Variants in GYS2 observed in about 807,000 individuals in gnomAD.
GYS2 encodes the protein glycogen synthase 2, also known as glycogen [starch] synthase, liver.
In GYS2, 80 loss-of-function variants were observed where a neutral mutation model predicts 85.6. That is an observed-to-expected ratio of 0.93 (90% CI 0.78 to 1.13). The LOEUF (loss-of-function observed/expected upper bound fraction) is 1.13. GYS2 is among the 50% of genes most tolerant of loss of function. GYS2 has a pLI of 0.00. For synonymous variants in GYS2, 328 were observed against 300.7 expected, an observed-to-expected ratio of 1.09 and a Z score of -0.94; for missense variants, 881 against 854.9, an observed-to-expected ratio of 1.03 and a Z score of -0.38.
chr12:21,565,158 A>G (rs895365709), intron 5 of GYS2, among the ~76,000 whole-genome samples: 4 of 152,000 alleles, frequency 2.6e-5, no homozygotes, highest in Non-Finnish European at 5.9e-5. Context: ...ATCCATATTT[A>G]TAACAGAATA....
Position 21,537,079 on chromosome 12 carries a change from C to T in GYS2, c.1987G>A (p.Val663Met). ...SPQSSDVEDEVEDERYDEEEE... is the reference protein window; with the variant it reads ...SPQSSDVEDEMEDERYDEEEE... The stretch of plus-strand genomic sequence containing the variant: ...TCCTCATCGTATCTCTCATCCTCCA[C>T]TTCATCTTCCACATCACTGCTCTGA... The change falls in exon 16 of 16, where the codon GTG becomes ATG. Residue 663 changes from valine to methionine, a missense_variant. Transcript: ENST00000261195. 6.2e-7 allele frequency: 1 copy of T among 1,613,820 alleles called. No homozygotes were observed. The highest frequency in any genetic ancestry group is 1.1e-5 in the South Asian group (1 of 91,072).
intron 11 of GYS2, among the ~76,000 whole-genome samples, chr12:21,550,235 G>A (rs1232444019): frequency 6.6e-6 from 1 of 151,848 alleles, no homozygotes; most frequent in Non-Finnish European, 1.5e-5. Flanking sequence ...ATGGCATTTA[G>A]CAATCAAGAC....
intron 13 of GYS2, among the ~76,000 whole-genome samples, chr12:21,541,912 G>T (rs1404384688): frequency 4.6e-5 from 7 of 152,030 alleles, no homozygotes; most frequent in Non-Finnish European, 5.9e-5. Flanking sequence ...TTGTGTCTAT[G>T]TGTATTCAAT....
In GYS2 at chr12:21,539,274, A is replaced by G. The variant is rs562406869; in HGVS notation, c.1874T>C (p.Leu625Pro). Residue 625 changes from leucine to proline, a missense_variant, in exon 15 of 16, where the codon CTA (leucine) becomes CCA (proline). Coordinates refer to ENST00000261195, the MANE Select transcript of GYS2 (RefSeq NM_021957.4). Reference sequence around the variant, plus strand: ...AATATTTACCGTTGGTGGTGATGTTAGTTCCACATGGAATTTATCTGGAAA... The same window carrying G: ...AATATTTACCGTTGGTGGTGATGTTGGTTCCACATGGAATTTATCTGGAAA... ...RAFPDKFHVELTSPPTTEGFK... is the reference protein window; with the variant it reads ...RAFPDKFHVEPTSPPTTEGFK... The G allele has an allele frequency of 1.3e-6, 2 of 1,576,962 alleles. No homozygotes were observed. Among genetic ancestry groups the G allele is most frequent in the South Asian group, 2.2e-5 (2 of 90,296 alleles).
intron 11 of GYS2, among the ~76,000 whole-genome samples, chr12:21,550,810 A>T (rs549069179): frequency 1.8e-3 from 277 of 152,196 alleles, no homozygotes; most frequent in Middle Eastern, 3.4e-3. Flanking sequence ...GTGTGGTGGC[A>T]TGCACCTGTA....
intron 12 of GYS2, 131 bp downstream of exon 12, chr12:21,546,213 A>G: frequency 1.5e-6 from 1 of 660,890 alleles, no homozygotes; most frequent in Non-Finnish European, 2.4e-6. Flanking sequence ...AAATCCAACC[A>G]AAATTTTTTA....
chr12:21,575,687 G>A (rs771264721), intron 3 of GYS2, among the ~76,000 whole-genome samples, 179 bp downstream of exon 3: 3 of 151,782 alleles, frequency 2.0e-5, no homozygotes, highest in African/African-American at 2.4e-5. Flanking sequence ...TCATTATTAC[G>A]CTATTCCATT....
At chr12:21,537,834 G>T (rs1943927779) in intron 15 of GYS2, among the ~76,000 whole-genome samples, 1 of 152,058 alleles carries the variant, frequency 6.6e-6, no homozygotes, top group Non-Finnish European at 1.5e-5. Context: ...ACACTGCAAT[G>T]CCACTAAAGA....
chr12:21,595,864 A>G (rs1357934958), intron 1 of GYS2, among the ~76,000 whole-genome samples: 1 of 152,210 alleles, frequency 6.6e-6, no homozygotes, highest in Non-Finnish European at 1.5e-5. Flanking sequence ...TCAATACTTC[A>G]TTGACAGCAC....
chr12:21,542,403 G>T (rs1943988634), intron 13 of GYS2, 93 bp downstream of exon 13: 2 of 820,086 alleles, frequency 2.4e-6, no homozygotes, highest in African/African-American at 1.7e-5. Context: ...TAATTATCAG[G>T]ATAGCTTTAG....
chr12:21,580,536 A>C lies in GYS2; in HGVS notation c.122-13T>G. 6.2e-7 allele frequency: 1 copy of C among 1,604,970 alleles called. No homozygotes were observed. The highest frequency in any genetic ancestry group is 8.5e-7 in the Non-Finnish European group (1 of 1,172,888). On this transcript the variant is annotated splice_polypyrimidine_tract_variant and intron_variant, in intron 1 of 15. Transcript: ENST00000261195. ...TAGATGCCTCCAACTGTTAAAAGGA[A>C]AAAAGTTTCTATTATCATTCAGGTT...
intron 12 of GYS2, among the ~76,000 whole-genome samples, chr12:21,544,528 A>G (rs1334928654): frequency 2.0e-5 from 3 of 152,210 alleles, no homozygotes; most frequent in East Asian, 1.9e-4. Context: ...TCTTCTATCC[A>G]TGATACTTCC....
chr12:21,588,681 A>G (rs944611728), intron 1 of GYS2, among the ~76,000 whole-genome samples: 3 of 152,242 alleles, frequency 2.0e-5, no homozygotes, highest in African/African-American at 7.2e-5. Flanking sequence ...ACAGAATAGA[A>G]CACATGAGGA....
At chr12:21,603,881 T>C (rs975566796) in intron 1 of GYS2, among the ~76,000 whole-genome samples, 1 of 152,186 alleles carries the variant, frequency 6.6e-6, no homozygotes, top group Non-Finnish European at 1.5e-5. Context: ...CAAATTGTTT[T>C]ATCAATTTGA....
intron 1 of GYS2, among the ~76,000 whole-genome samples, chr12:21,603,164 G>T (rs532994425): frequency 5.3e-5 from 8 of 152,118 alleles, no homozygotes; most frequent in Admixed American, 5.2e-4. Context: ...CTGAGGAAAA[G>T]AATACAAAAT....
rs767308009 is a variant in GYS2, at chr12:21,575,847, A to G, written c.495+19T>C. 1.3e-5 allele frequency: 20 copies of G among 1,576,290 alleles called. No individual in the cohort carries two copies. Among genetic ancestry groups the G allele is most frequent in the Non-Finnish European group, 1.7e-5 (20 of 1,145,802 alleles). ...AGTTGTGCTGCTCCTCCGTTGTATC[A>G]CTATATAATAAACCATACCTCTTTT... is the stretch of plus-strand genomic sequence containing the variant. On this transcript the variant is annotated intron_variant, in intron 3 of 15. Transcript: ENST00000261195.
At chr12:21,591,739 A>G (rs955326562) in intron 1 of GYS2, among the ~76,000 whole-genome samples, 2 of 152,160 alleles carry the variant, frequency 1.3e-5, no homozygotes, top group African/African-American at 4.8e-5. Flanking sequence ...ACAGCAAGCA[A>G]AATGTCTAGT....
At chr12:21,580,849 A>C (rs531830245) in intron 1 of GYS2, among the ~76,000 whole-genome samples, 1 of 152,336 alleles carries the variant, frequency 6.6e-6, no homozygotes, top group East Asian at 1.9e-4. Context: ...CTAAAGCTCC[A>C]GTCACTTTGT....
chr12:21,597,136 C>T (rs1944705585), intron 1 of GYS2, among the ~76,000 whole-genome samples: 1 of 152,074 alleles, frequency 6.6e-6, no homozygotes, highest in Non-Finnish European at 1.5e-5. Context: ...CACTTCAAGA[C>T]ATGGCTTTGG....
Sources: allele counts gnomAD v4.1 joint callset (sites outside exome capture counted in the v4.1 genomes callset), GRCh38; gene constraint gnomAD v4.1.1; transcripts MANE v1.5; gene names NCBI Gene and HGNC (gene_info 2026-07-23, HGNC 2026-07-21).